Variants in CACNG3 observed in about 807,000 individuals in gnomAD.
The protein encoded by CACNG3 is calcium voltage-gated channel auxiliary subunit gamma 3.
A neutral mutation model predicts 28.5 loss-of-function variants in CACNG3; 3 were observed. The observed-to-expected ratio is 0.11, with a 90% CI of 0.05 to 0.27. The LOEUF (loss-of-function observed/expected upper bound fraction) is 0.27, where lower values mean the gene tolerates loss of function less well. CACNG3 is among the 10% of genes least tolerant of loss of function. CACNG3 has a pLI of 1.00. For synonymous variants in CACNG3, 174 were observed against 162.2 expected, an observed-to-expected ratio of 1.07 and a Z score of -0.55; for missense variants, 236 against 414.4, an observed-to-expected ratio of 0.57 and a Z score of 3.74.
At chr16:24,340,950 T>C (rs752958591) in intron 1 of CACNG3, among the ~76,000 whole-genome samples, 3 of 152,218 alleles carry the variant, frequency 2.0e-5, no homozygotes, top group Non-Finnish European at 2.9e-5. Context: ...TCTGCTCCAA[T>C]GCCTGAACTT....
At chr16:24,289,051 A>G (rs771875011) in intron 1 of CACNG3, among the ~76,000 whole-genome samples, 1 of 152,164 alleles carries the variant, frequency 6.6e-6, no homozygotes, top group South Asian at 2.1e-4. Flanking sequence ...ATGCAGCTCA[A>G]ATGTCCTCTG....
chr16:24,354,816 T>C lies in CACNG3; in HGVS notation c.296-17T>C. The C allele has an allele frequency of 6.2e-7, 1 of 1,610,308 alleles. No individual in the cohort carries two copies. The highest frequency in any genetic ancestry group is 8.5e-7 in the Non-Finnish European group (1 of 1,178,598). On this transcript the variant is annotated splice_polypyrimidine_tract_variant and intron_variant, in intron 2 of 3. Coordinates refer to ENST00000005284, the MANE Select transcript of CACNG3 (RefSeq NM_006539.4). ...CTGGCTGGGCACAGGCAGAAGCCTC[T>C]CTCCTTCTCTCCGCAGGAGCTGTGA...
Position 24,256,736 on chromosome 16 carries a change from C to A in CACNG3, c.-19C>A, listed in dbSNP as rs775615485. 1.9e-6 allele frequency: 3 copies of A among 1,570,070 alleles called. No homozygotes were observed. The African/African-American group carries it at 4.0e-5, about 21-fold the overall frequency. On this transcript the variant is annotated 5_prime_UTR_variant, in exon 1 of 4. Transcript: ENST00000005284. This position sits in a 1 kb window ranked among gnomAD's most constrained non-coding sequence, Gnocchi z 4.6. ...TCTCCCCCTCCAACCCCCAGCCGTC[C>A]AGAGTACCATGAAGAATTATGAGGA... is the stretch of plus-strand genomic sequence containing the variant.
chr16:24,259,279 G>A (rs1313076264), intron 1 of CACNG3, among the ~76,000 whole-genome samples: 2 of 152,204 alleles, frequency 1.3e-5, no homozygotes, highest in Non-Finnish European at 2.9e-5. Context: ...ACCTAGGTGG[G>A]TCCTGGCTGA....
chr16:24,350,609 C>A (rs1899928351), intron 2 of CACNG3, among the ~76,000 whole-genome samples: 1 of 152,186 alleles, frequency 6.6e-6, no homozygotes, highest in Admixed American at 6.5e-5. Context: ...GCCCAAATAT[C>A]CATTTTTGTG....
chr16:24,267,972 C>T (rs1442487354), intron 1 of CACNG3, among the ~76,000 whole-genome samples: 2 of 152,176 alleles, frequency 1.3e-5, no homozygotes, highest in African/African-American at 4.8e-5. Context: ...TGCCCGGCCT[C>T]ATATCTGGGC....
chr16:24,345,075 A>G (rs1427667433), intron 1 of CACNG3, among the ~76,000 whole-genome samples: 2 of 152,326 alleles, frequency 1.3e-5, no homozygotes, highest in Middle Eastern at 3.4e-3. Flanking sequence ...TGCCTGGCCA[A>G]TTGGAAGCAC....
At chr16:24,288,205 GTGA>G (rs1362708841) in intron 1 of CACNG3, among the ~76,000 whole-genome samples, 3 of 152,182 alleles carry the variant, frequency 2.0e-5, no homozygotes, top group Admixed American at 2.0e-4. Context: ...GATGGTGATG[GTGA>G]TGATGATAAT....
intron 1 of CACNG3, among the ~76,000 whole-genome samples, chr16:24,274,825 G>A (rs534050293): frequency 3.3e-5 from 5 of 152,282 alleles, no homozygotes; most frequent in South Asian, 2.1e-4. Context: ...CTCGTGGGAC[G>A]TTAGACTCGT....
At chr16:24,282,294 G>A (rs1013430951) in intron 1 of CACNG3, among the ~76,000 whole-genome samples, 1 of 152,138 alleles carries the variant, frequency 6.6e-6, no homozygotes, top group Non-Finnish European at 1.5e-5. Flanking sequence ...AATGTAGCTT[G>A]AGCGCTTAGG....
chr16:24,317,111 T>C (rs76832246), intron 1 of CACNG3, among the ~76,000 whole-genome samples: 1 of 152,148 alleles, frequency 6.6e-6, no homozygotes, highest in Non-Finnish European at 1.5e-5. Flanking sequence ...TCATCATTAT[T>C]GCCCACACAT....
At chr16:24,310,690 C>T (rs1215230116) in intron 1 of CACNG3, among the ~76,000 whole-genome samples, 1 of 152,108 alleles carries the variant, frequency 6.6e-6, no homozygotes, top group Admixed American at 6.6e-5. Context: ...GTTGTTAACC[C>T]CATTTTACAG....
Position 24,293,453 on chromosome 16 carries a change from G to A in CACNG3, c.211+36488G>A, listed in dbSNP as rs191371374. ...ATTTGAATCTTGCCTCTCCACACCC[G>A]ATGGCTGTAAATCTTTGAAGAAGCT... On this transcript the variant is annotated intron_variant, in intron 1 of 3. Transcript: ENST00000005284. 2.1e-3 allele frequency among the ~76,000 whole-genome samples: 316 copies of A among 152,186 alleles called. 6 individuals are homozygous for A. The highest frequency in any genetic ancestry group is 3.4e-4 in the Non-Finnish European group (23 of 68,018).
At chr16:24,351,077 G>A (rs1256012025) in intron 2 of CACNG3, among the ~76,000 whole-genome samples, 1 of 152,228 alleles carries the variant, frequency 6.6e-6, no homozygotes, top group Non-Finnish European at 1.5e-5. Flanking sequence ...AGAACTGCAG[G>A]ACTTTGCAGC....
At chr16:24,269,787 AAAAGAAAG>A (rs527400868) in intron 1 of CACNG3, among the ~76,000 whole-genome samples, 3 of 149,124 alleles carry the variant, frequency 2.0e-5, no homozygotes, top group Non-Finnish European at 4.4e-5. Flanking sequence ...GAAAGAAAGA[AAAAGAAAG>A]AAAGAAAGAA....
chr16:24,274,511 C>T (rs1898729956), intron 1 of CACNG3, among the ~76,000 whole-genome samples: 1 of 152,174 alleles, frequency 6.6e-6, no homozygotes, highest in Non-Finnish European at 1.5e-5. Context: ...GGGAATCACT[C>T]AGGTCATGGT....
chr16:24,326,906 C>G (rs1899554893), intron 1 of CACNG3, among the ~76,000 whole-genome samples: 1 of 152,034 alleles, frequency 6.6e-6, no homozygotes, highest in Non-Finnish European at 1.5e-5. Flanking sequence ...ATCTCGCTCC[C>G]CTGCCACCTG....
chr16:24,267,781 T>G (rs905358027), intron 1 of CACNG3, among the ~76,000 whole-genome samples: 2 of 152,172 alleles, frequency 1.3e-5, no homozygotes, highest in Non-Finnish European at 2.9e-5. Flanking sequence ...GTGATTCTCC[T>G]GCCTCAGCCA....
chr16:24,355,187 G>T lies in CACNG3; in HGVS notation c.436+214G>T, dbSNP rs139367258. The stretch of plus-strand genomic sequence containing the variant: ...ATGAAGGAAAAACAGGGAGGAAACA[G>T]CATGGCACGATCAGCTGAGATTGAA... On this transcript the variant is annotated intron_variant, in intron 3 of 3. Coordinates refer to ENST00000005284, the MANE Select transcript of CACNG3 (RefSeq NM_006539.4). 2.7e-4 allele frequency among the ~76,000 whole-genome samples: 41 copies of T among 152,258 alleles called. 2 individuals carry two copies. The East Asian group carries it at 7.7e-3, about 29-fold the overall frequency.
Sources: gnomAD v4.1 joint callset for allele counts (sites outside exome capture counted in the v4.1 genomes callset) on GRCh38, gnomAD v4.1.1 for gene constraint, Gnocchi (gnomAD v3.1) non-coding constraint, MANE v1.5 for transcripts, NCBI Gene and HGNC (gene_info 2026-07-23, HGNC 2026-07-21) for gene names.